Variants in ST8SIA4 observed in about 807,000 individuals in gnomAD.
The protein encoded by ST8SIA4 is CMP-N-acetylneuraminate-poly-alpha-2,8-sialyltransferase.
Under a neutral mutation model 33.9 loss-of-function variants are expected in ST8SIA4, and 15 were observed. That is an observed-to-expected ratio of 0.44 (90% CI 0.30 to 0.68). ST8SIA4 has a LOEUF of 0.68. Among genes scored for constraint, ST8SIA4 ranks in the 30% least tolerant of loss-of-function variants. The pLI, the probability that ST8SIA4 is intolerant of heterozygous loss-of-function variation, is 0.10. For synonymous variants in ST8SIA4, 171 were observed against 151.2 expected (o/e 1.13, Z -0.96); for missense variants, 321 against 428.0 (o/e 0.75, Z 2.21).
intron 3 of ST8SIA4, among the ~76,000 whole-genome samples, chr5:100,863,492 G>T (rs1486330770): frequency 1.3e-5 from 2 of 152,118 alleles, no homozygotes; most frequent in African/African-American, 2.4e-5. Flanking sequence ...GTGAAAATGA[G>T]AAGTAAAATC....
At position 100,868,926 on chromosome 5, in the gene ST8SIA4, G is replaced by T. The variant is rs73159998; in HGVS notation, c.504-12530C>A. On this transcript the variant is annotated intron_variant, in intron 3 of 4. Coordinates refer to ENST00000231461, the MANE Select transcript of ST8SIA4 (RefSeq NM_005668.6). ...TAAACTCTGGCATATTTTGTTACTT[G>T]TATAGGGATTGACATCTTTAATAAG... Among the ~76,000 whole-genome samples the T allele has an allele frequency of 4.0e-3, 608 of 152,116 alleles. 5 individuals carry two copies. Among genetic ancestry groups the T allele is most frequent in the African/African-American group, 0.014 (584 of 41,526 alleles).
At chr5:100,850,384 A>T (rs1355952806) in intron 4 of ST8SIA4, among the ~76,000 whole-genome samples, 1 of 151,938 alleles carries the variant, frequency 6.6e-6, no homozygotes, top group Non-Finnish European at 1.5e-5. Flanking sequence ...ACTACTTATA[A>T]TGTAGTGACA....
chr5:100,843,034 T>C (rs1365175337), intron 4 of ST8SIA4, among the ~76,000 whole-genome samples: 1 of 151,894 alleles, frequency 6.6e-6, no homozygotes, highest in Non-Finnish European at 1.5e-5. Context: ...TTGCTGAAAT[T>C]TGTATAAAGG....
At chr5:100,866,517 C>T (rs1752063077) in intron 3 of ST8SIA4, among the ~76,000 whole-genome samples, 1 of 151,332 alleles carries the variant, frequency 6.6e-6, no homozygotes, top group Non-Finnish European at 1.5e-5. Flanking sequence ...GTTACAAAGA[C>T]ATCTTTGTTT....
chr5:100,838,286 C>T (rs1049531246), intron 4 of ST8SIA4, among the ~76,000 whole-genome samples: 5 of 152,036 alleles, frequency 3.3e-5, no homozygotes, highest in Admixed American at 2.0e-4. Context: ...TCTCATGATA[C>T]TTAGATGTTG....
At chr5:100,890,295 C>G (rs1246242598) in intron 2 of ST8SIA4, among the ~76,000 whole-genome samples, 1 of 151,656 alleles carries the variant, frequency 6.6e-6, no homozygotes, top group East Asian at 1.9e-4. Flanking sequence ...GTTGTTCAGA[C>G]TATAAATATG....
intron 3 of ST8SIA4, among the ~76,000 whole-genome samples, chr5:100,881,966 T>A (rs1035458932): frequency 1.3e-5 from 2 of 152,312 alleles, no homozygotes; most frequent in South Asian, 2.1e-4. Flanking sequence ...CTCAGGCATG[T>A]CTTTATCAGC....
At chr5:100,899,626 G>A (rs1387394174) in intron 1 of ST8SIA4, among the ~76,000 whole-genome samples, 1 of 152,128 alleles carries the variant, frequency 6.6e-6, no homozygotes, top group African/African-American at 2.4e-5. Context: ...AAAATAGTGT[G>A]TAGCAAGATT....
Position 100,840,858 on chromosome 5 carries a change from G to T in ST8SIA4, c.797+15245C>A, listed in dbSNP as rs11241728. Among the ~76,000 whole-genome samples, 1,459 of 151,340 alleles carry T rather than the reference G, an allele frequency of 9.6e-3. 19 individuals carry two copies. The highest frequency in any genetic ancestry group is 0.034 in the African/African-American group (1,399 of 41,348). On this transcript the variant is annotated intron_variant, in intron 4 of 4. Transcript: ENST00000231461. ...CAATAAAAACAAATGAAGATAGTTT[G>T]TTTTTTCAAAAAAGATTGTTTCTGT...
At chr5:100,900,980 G>C (rs1031482987) in intron 1 of ST8SIA4, among the ~76,000 whole-genome samples, 2 of 152,188 alleles carry the variant, frequency 1.3e-5, no homozygotes, top group African/African-American at 2.4e-5. Flanking sequence ...AACTGCTTCA[G>C]CTTGAAAAGG....
chr5:100,855,679 A>T (rs1751799721), intron 4 of ST8SIA4, among the ~76,000 whole-genome samples: 1 of 152,182 alleles, frequency 6.6e-6, no homozygotes, highest in Non-Finnish European at 1.5e-5. Context: ...CTTTCTCACT[A>T]CTAGGCCTCT....
chr5:100,896,816 T>C (rs2112484088), intron 1 of ST8SIA4, among the ~76,000 whole-genome samples: 1 of 152,308 alleles, frequency 6.6e-6, no homozygotes, highest in Admixed American at 6.5e-5. Flanking sequence ...ATAATTGTGA[T>C]TCCTAAGATT....
intron 2 of ST8SIA4, among the ~76,000 whole-genome samples, chr5:100,891,674 A>G (rs927303239): frequency 2.6e-5 from 4 of 151,980 alleles, no homozygotes; most frequent in Non-Finnish European, 5.9e-5. Context: ...ATGAAAAATG[A>G]CTTTTGTTAT....
intron 4 of ST8SIA4, among the ~76,000 whole-genome samples, chr5:100,850,292 T>G (rs1248724027): frequency 6.6e-6 from 1 of 152,132 alleles, no homozygotes; most frequent in Non-Finnish European, 1.5e-5. Context: ...GAGTACTCAT[T>G]CCAAGTGTTT....
At chr5:100,874,615 T>C (rs1752266870) in intron 3 of ST8SIA4, among the ~76,000 whole-genome samples, 1 of 151,936 alleles carries the variant, frequency 6.6e-6, no homozygotes, top group South Asian at 2.1e-4. Flanking sequence ...CTCTTGTTCT[T>C]GCTCTTTTAT....
chr5:100,868,244 A>C (rs1469395095), intron 3 of ST8SIA4, among the ~76,000 whole-genome samples: 1 of 152,088 alleles, frequency 6.6e-6, no homozygotes, highest in Admixed American at 6.5e-5. Flanking sequence ...TTGATAACCA[A>C]TTTTGAAAGA....
At chr5:100,834,901 C>G (rs1006070691) in intron 4 of ST8SIA4, among the ~76,000 whole-genome samples, 1 of 151,994 alleles carries the variant, frequency 6.6e-6, no homozygotes, top group African/African-American at 2.4e-5. Context: ...CCAATTAAAT[C>G]CCTTTTATTT....
At chr5:100,814,887 A>G (rs1750882122) in intron 4 of ST8SIA4, among the ~76,000 whole-genome samples, 1 of 152,036 alleles carries the variant, frequency 6.6e-6, no homozygotes, top group African/African-American at 2.4e-5. Context: ...TTTGAAATCC[A>G]TACCTGAATG....
intron 4 of ST8SIA4, among the ~76,000 whole-genome samples, chr5:100,826,178 T>C (rs1751139635): frequency 6.6e-6 from 1 of 152,152 alleles, no homozygotes; most frequent in Non-Finnish European, 1.5e-5. Context: ...ATTGGAACTA[T>C]ATGGCAATGC....
Sources: allele counts gnomAD v4.1 joint callset (sites outside exome capture counted in the v4.1 genomes callset), GRCh38; gene constraint gnomAD v4.1.1; transcripts MANE v1.5; gene names NCBI Gene and HGNC (gene_info 2026-07-23, HGNC 2026-07-21).